Variants in KLK1 observed in about 807,000 individuals in gnomAD.
KLK1 encodes the protein kallikrein-1.
In KLK1, 22 loss-of-function variants were observed where a neutral mutation model predicts 23.3. The observed-to-expected ratio is 0.95, with a 90% CI of 0.68 to 1.35. The LOEUF (loss-of-function observed/expected upper bound fraction) is 1.35. KLK1 is among the 40% of genes most tolerant of loss of function. The pLI is 0.00. For synonymous variants in KLK1, 140 were observed against 135.8 expected (o/e 1.03, Z -0.21); for missense variants, 301 against 338.9 (o/e 0.89, Z 0.88).
In KLK1 at chr19:50,819,291, C is replaced by T. The variant is rs754064161; in HGVS notation, c.692G>A (p.Gly231Asp). ...DGVLQGVTSW[G>D]YVPCGTPNKP... Reference sequence around the variant, plus strand: ...ATTGGGGGTGCCACAAGGGACGTAGCCCCATGATGTGACACCTTGGAGCAC... The same window carrying T: ...ATTGGGGGTGCCACAAGGGACGTAGTCCCATGATGTGACACCTTGGAGCAC... The change falls in exon 5 of 5, where the codon GGC (glycine) becomes GAC (aspartate). Residue 231 changes from glycine to aspartate, a missense_variant. Coordinates refer to ENST00000301420, the MANE Select transcript of KLK1 (RefSeq NM_002257.4). 4.3e-6 allele frequency: 7 copies of T among 1,614,018 alleles called. No individual in the cohort carries two copies. In the Admixed American group the frequency reaches 1.2e-4, roughly 27 times the overall value.
intron 2 of KLK1, 66 bp from the exon 3 acceptor site, chr19:50,820,509 C>CTGGGTTG: frequency 1.6e-5 from 3 of 190,494 alleles, no homozygotes; most frequent in Non-Finnish European, 3.0e-5. Context: ...GGCAGGGGAG[C>CTGGGTTG]ATGGGGGAGG....
At chr19:50,822,773 A>G in intron 1 of KLK1, 1 of 984,986 alleles carries the variant, frequency 1.0e-6, no homozygotes, top group Non-Finnish European at 1.2e-6. Context: ...CTTGGAGGCA[A>G]TCCTAGGAAG....
Position 50,821,811 on chromosome 19 carries a change from T to C in KLK1, c.107A>G (p.Gln36Arg). The C allele has an allele frequency of 6.2e-7, 1 of 1,613,806 alleles. No individual in the cohort carries two copies. The highest frequency in any genetic ancestry group is 8.5e-7 in the Non-Finnish European group (1 of 1,179,924). ...VGGWECEQHSQPWQAALYHFS... is the reference protein window; with the variant it reads ...VGGWECEQHSRPWQAALYHFS... ...ATGGTACAGAGCCGCCTGCCAGGGCTGGGAATGCTGCTCACACTCCCAGCC... is the reference window on the plus strand; with the variant it reads ...ATGGTACAGAGCCGCCTGCCAGGGCCGGGAATGCTGCTCACACTCCCAGCC... The change falls in exon 2 of 5, where the codon CAG (glutamine) becomes CGG (arginine). Residue 36 changes from glutamine to arginine, a missense_variant. Coordinates refer to ENST00000301420, the MANE Select transcript of KLK1 (RefSeq NM_002257.4). The surrounding 1 kb of genome is among the most constrained non-coding windows in gnomAD (Gnocchi z 5.6).
In KLK1 at chr19:50,823,160, T is replaced by A. The variant is rs376597770; in HGVS notation, c.46+543A>T. Among the ~76,000 whole-genome samples the A allele has an allele frequency of 2.0e-3, 309 of 152,024 alleles. 1 individual carries two copies. The highest frequency in any genetic ancestry group is 3.7e-3 in the South Asian group (18 of 4,810). On this transcript the variant is annotated intron_variant, in intron 1 of 4. Coordinates refer to ENST00000301420, the MANE Select transcript of KLK1 (RefSeq NM_002257.4). ...GGGAAGCAGGGTTTTCTGGTGAAAT[T>A]TGGGGGACCCTGGAAGGACTGGGGA...
chr19:50,820,463 GA>G lies in KLK1; in HGVS notation c.207-21del. The G allele has an allele frequency of 1.3e-6, 2 of 1,485,206 alleles. No homozygotes were observed. Among genetic ancestry groups the G allele is most frequent in the Non-Finnish European group, 1.8e-6 (2 of 1,094,474 alleles). 92.0% of individuals were successfully genotyped at this position (1,485,206 alleles called of 1,614,324 possible). On this transcript the variant is annotated intron_variant, in intron 2 of 4. Coordinates refer to ENST00000301420, the MANE Select transcript of KLK1 (RefSeq NM_002257.4). ...TAATTGCTGGGGAAAGATGGGAATG[GA>G]GGGATGAGAAGACGGGAAGGGGAAA...
rs556814681 is a variant in KLK1, at chr19:50,822,365, G to A, written c.47-494C>T. The A allele has an allele frequency of 9.7e-5, 96 of 987,528 alleles. No homozygotes were observed. In the South Asian group the frequency reaches 4.1e-3, roughly 42 times the overall value. 61.2% of individuals were successfully genotyped at this position (987,528 alleles called of 1,614,324 possible). A position where few individuals can be genotyped will look rare whatever the true frequency, so the allele number is the denominator to read the frequency against. On this transcript the variant is annotated intron_variant, in intron 1 of 4. Coordinates refer to ENST00000301420, the MANE Select transcript of KLK1 (RefSeq NM_002257.4). ...GTTGGGCTTTTGAGGTTCAGGAAAGGATGCAGCTTTAGGGAACCAGGTCTG... is the reference window on the plus strand; with the variant it reads ...GTTGGGCTTTTGAGGTTCAGGAAAGAATGCAGCTTTAGGGAACCAGGTCTG...
At chr19:50,822,048 T>C in intron 1 of KLK1, 177 bp from the exon 2 acceptor site, 1 of 1,376,198 alleles carries the variant, frequency 7.3e-7, no homozygotes, top group Non-Finnish European at 9.4e-7. Context: ...GACTGTTCCC[T>C]GGGCTTTTGG....
chr19:50,820,495 A>ATGGGTAAAAGGGGT, intron 2 of KLK1, 52 bp from the exon 3 acceptor site: 1 of 308,342 alleles, frequency 3.2e-6, no homozygotes, highest in East Asian at 6.1e-5. Context: ...GGAAAAGGGG[A>ATGGGTAAAAGGGGT]TGGGGCAGGG....
chr19:50,823,641 GA>G (rs1457493652), intron 1 of KLK1, 61 bp downstream of exon 1: 16 of 1,113,896 alleles, frequency 1.4e-5, no homozygotes, highest in Non-Finnish European at 2.0e-5. Context: ...ATCGGGGGGG[GA>G]TGTGAGGCCA....
Position 50,819,938 on chromosome 19 carries a change from C to G in KLK1, c.594G>C (p.Leu198=). ...AHVQKVTDFM[L]CVGHLEGGKD... is the part of the protein sequence containing the mutation. ...TGCCACCTTCCAGGTGTCCGACACACAGCATGAAGTCTGTCACCTTCTGGA... is the reference window on the plus strand; with the variant it reads ...TGCCACCTTCCAGGTGTCCGACACAGAGCATGAAGTCTGTCACCTTCTGGA... The change falls in exon 4 of 5, where the codon CTG becomes CTC. Residue 198 remains leucine, a synonymous_variant. Transcript: ENST00000301420. 1 of 1,614,202 alleles carries G rather than the reference C, an allele frequency of 6.2e-7. No individual in the cohort carries two copies. The highest frequency in any genetic ancestry group is 1.1e-5 in the South Asian group (1 of 91,084).
At chr19:50,820,511 T>TTCTG in intron 2 of KLK1, 68 bp from the exon 3 acceptor site, 1 of 135,884 alleles carries the variant, frequency 7.4e-6, no homozygotes, top group Non-Finnish European at 1.5e-5. Flanking sequence ...CAGGGGAGCA[T>TTCTG]GGGGGAGGGT....
intron 1 of KLK1, 173 bp from the exon 2 acceptor site, chr19:50,822,044 TC>T (rs1298800998): frequency 2.0e-5 from 27 of 1,381,710 alleles, no homozygotes; most frequent in Admixed American, 9.5e-5. Flanking sequence ...TCTGGACTGT[TC>T]CCTGGGCTTT....
Position 50,819,469 on chromosome 19 carries a change from G to T in KLK1, c.634-120C>A, listed in dbSNP as rs1450494351. ...CCACTCCCAGAGGAAGGTGGGCAGG[G>T]ATTCCCACAGAGGGGACAGGGTCTC... On this transcript the variant is annotated intron_variant, in intron 4 of 4. Transcript: ENST00000301420. The T allele has an allele frequency of 3.0e-6, 3 of 992,734 alleles. No homozygotes were observed. In the African/African-American group the frequency reaches 4.9e-5, roughly 16 times the overall value. 61.5% of individuals were successfully genotyped at this position (992,734 alleles called of 1,614,324 possible). A position where few individuals can be genotyped will look rare whatever the true frequency, so the allele number is the denominator to read the frequency against.
intron 1 of KLK1, chr19:50,822,090 T>G: frequency 7.5e-7 from 1 of 1,336,042 alleles, no homozygotes; most frequent in Non-Finnish European, 9.6e-7. Flanking sequence ...GGAGATTTTG[T>G]GCTCTGACAG....
intron 1 of KLK1, chr19:50,822,203 G>A: frequency 9.5e-7 from 1 of 1,050,160 alleles, no homozygotes; most frequent in Non-Finnish European, 1.1e-6. Context: ...TGGGGGATGG[G>A]AGGTGGTGGG....
rs752538325 is a variant in KLK1 at position 50,819,947 on chromosome 19, G to T, written c.585C>A (p.Asp195Glu). 7 of 1,614,208 alleles carry T rather than the reference G, an allele frequency of 4.3e-6. No homozygotes were observed. In the South Asian group the frequency reaches 7.7e-5, roughly 18 times the overall value. Residue 195 changes from aspartate to glutamate, a missense_variant, in exon 4 of 5, where the codon GAC (aspartate) becomes GAA (glutamate). By Grantham distance (45) the Asp-to-Glu change is conservative. Coordinates refer to ENST00000301420, the MANE Select transcript of KLK1 (RefSeq NM_002257.4). ...CCAGGTGTCCGACACACAGCATGAAGTCTGTCACCTTCTGGACGTGGGCTT... is the reference window on the plus strand; with the variant it reads ...CCAGGTGTCCGACACACAGCATGAATTCTGTCACCTTCTGGACGTGGGCTT... Reference protein sequence around the residue: ...CKKAHVQKVTDFMLCVGHLEG... With the variant: ...CKKAHVQKVTEFMLCVGHLEG...
rs2089805319 is a variant in KLK1 at position 50,819,234 on chromosome 19, T to A, written c.749A>T (p.Tyr250Phe). Residue 250 changes from tyrosine to phenylalanine, a missense_variant, in exon 5 of 5, where the codon TAT becomes TTT. Transcript: ENST00000301420. ...TATGGTGTCCTCGATCCACTTCACATAAGACAGCACTCTGACGGCGACAGA... is the reference window on the plus strand; with the variant it reads ...TATGGTGTCCTCGATCCACTTCACAAAAGACAGCACTCTGACGGCGACAGA... ...KPSVAVRVLSYVKWIEDTIAE... is the reference protein window; with the variant it reads ...KPSVAVRVLSFVKWIEDTIAE... 6.2e-7 allele frequency: 1 copy of A among 1,614,098 alleles called. No individual in the cohort carries two copies. Among genetic ancestry groups the A allele is most frequent in the East Asian group, 2.2e-5 (1 of 44,868 alleles).
At chr19:50,823,570 C>T (rs1158471399) in intron 1 of KLK1, 133 bp downstream of exon 1, 2 of 551,934 alleles carry the variant, frequency 3.6e-6, no homozygotes, top group Admixed American at 6.2e-5. Context: ...CCGGGGCACC[C>T]CGGACTAGGA....
chr19:50,821,763 C>T lies in KLK1; in HGVS notation c.155G>A (p.Gly52Asp). 2 of 1,613,836 alleles carry T rather than the reference C, an allele frequency of 1.2e-6. No homozygotes were observed. Among genetic ancestry groups the T allele is most frequent in the Non-Finnish European group, 1.7e-6 (2 of 1,179,906 alleles). ...LYHFSTFQCGGILVHRQWVLT... is the reference protein window; with the variant it reads ...LYHFSTFQCGDILVHRQWVLT... Reference sequence around the variant, plus strand: ...CACCCACTGGCGGTGCACCAGGATGCCCCCACACTGGAAAGTGCTGAAATG... The same window carrying T: ...CACCCACTGGCGGTGCACCAGGATGTCCCCACACTGGAAAGTGCTGAAATG... The change falls in exon 2 of 5, where the codon GGC becomes GAC. Residue 52 changes from glycine (G) to aspartate (D), a missense_variant. Coordinates refer to ENST00000301420, the MANE Select transcript of KLK1 (RefSeq NM_002257.4). The surrounding 1 kb of genome is among the most constrained non-coding windows in gnomAD (Gnocchi z 5.6).
Sources: gnomAD v4.1 joint callset for allele counts (sites outside exome capture counted in the v4.1 genomes callset) on GRCh38, gnomAD v4.1.1 for gene constraint, Gnocchi (gnomAD v3.1) non-coding constraint, MANE v1.5 for transcripts, NCBI Gene and HGNC (gene_info 2026-07-23, HGNC 2026-07-21) for gene names.